Variants in SYT2 observed in about 807,000 individuals in gnomAD.
The protein encoded by SYT2 is synaptotagmin-2.
In SYT2, 15 loss-of-function variants were observed where a neutral mutation model predicts 39.9. The observed-to-expected ratio is 0.38, with a 90% CI of 0.25 to 0.58. SYT2 has a LOEUF of 0.58. Among genes scored for constraint, SYT2 ranks in the 20% least tolerant of loss-of-function variants. The pLI is 0.70. For missense variants in SYT2, 389 were observed against 530.3 expected (o/e 0.73, Z 2.62); for synonymous variants, 181 against 204.5 (o/e 0.89, Z 0.98).
chr1:202,658,949 GCTT>G (rs1435444538), intron 1 of SYT2, among the ~76,000 whole-genome samples: 1 of 152,154 alleles, frequency 6.6e-6, no homozygotes, highest in Non-Finnish European at 1.5e-5. Flanking sequence ...AGATTGGAGA[GCTT>G]CTCAATTTCC....
intron 3 of SYT2, among the ~76,000 whole-genome samples, chr1:202,603,340 A>T (rs972961218): frequency 6.6e-6 from 1 of 152,120 alleles, no homozygotes; most frequent in African/African-American, 2.4e-5. Context: ...TGTTTGAGAC[A>T]TGGCTCTGGT....
chr1:202,632,069 T>G (rs1572642342), intron 1 of SYT2: 1 of 984,566 alleles, frequency 1.0e-6, no homozygotes. Context: ...GGGGCTGAGG[T>G]GGGGTAAGAG....
At chr1:202,639,050 A>T (rs1691827255) in intron 1 of SYT2, among the ~76,000 whole-genome samples, 1 of 152,048 alleles carries the variant, frequency 6.6e-6, no homozygotes, top group Non-Finnish European at 1.5e-5. Context: ...ATCTGGGATT[A>T]TTTTTTTCAC....
intron 1 of SYT2, among the ~76,000 whole-genome samples, chr1:202,700,736 T>G (rs2149121402): frequency 6.6e-6 from 1 of 152,356 alleles, no homozygotes; most frequent in South Asian, 2.1e-4. Context: ...TATATCAACT[T>G]CGGTGTTCGG....
chr1:202,669,320 G>A (rs1490916272), intron 1 of SYT2, among the ~76,000 whole-genome samples: 1 of 151,292 alleles, frequency 6.6e-6, no homozygotes, highest in Non-Finnish European at 1.5e-5. Context: ...AGGTGATTGG[G>A]ACCAACGGGG....
At chr1:202,678,919 A>C (rs1187168945) in intron 1 of SYT2, among the ~76,000 whole-genome samples, 1 of 151,856 alleles carries the variant, frequency 6.6e-6, no homozygotes, top group Non-Finnish European at 1.5e-5. Flanking sequence ...ATTCTGACAC[A>C]CATCGCCCTA....
In SYT2 at chr1:202,599,463, T is replaced by G; in HGVS notation, c.920-112A>C. The G allele has an allele frequency of 8.0e-7, 1 of 1,254,970 alleles. No homozygotes were observed. Among genetic ancestry groups the G allele is most frequent in the Non-Finnish European group, 1.1e-6 (1 of 924,376 alleles). 77.7% of individuals were successfully genotyped at this position (1,254,970 alleles called of 1,614,324 possible). A position where few individuals can be genotyped will look rare whatever the true frequency, so the allele number is the denominator to read the frequency against. ...GGTCAAGAGGGGGTCTTCACTCCGC[T>G]GAGACCAGGCCCTCAGAAAGCCCCA... On this transcript the variant is annotated intron_variant, in intron 7 of 8. Transcript: ENST00000367268. This position sits in a 1 kb window ranked among gnomAD's most constrained non-coding sequence, Gnocchi z 4.4.
At chr1:202,654,293 A>G (rs1268127269) in intron 1 of SYT2, among the ~76,000 whole-genome samples, 1 of 152,194 alleles carries the variant, frequency 6.6e-6, no homozygotes, top group Non-Finnish European at 1.5e-5. Flanking sequence ...GTGACCCAAG[A>G]AGGCACATTC....
intron 1 of SYT2, among the ~76,000 whole-genome samples, chr1:202,649,219 A>G (rs1286810220): frequency 6.6e-6 from 1 of 152,246 alleles, no homozygotes; most frequent in Non-Finnish European, 1.5e-5. Context: ...AACCAGCATC[A>G]AGTGGCAGCC....
chr1:202,632,053 C>T (rs1364348685), intron 1 of SYT2: 14 of 985,402 alleles, frequency 1.4e-5, no homozygotes, highest in Non-Finnish European at 1.7e-5. Context: ...TGCCACTCTG[C>T]AGGAAGGGGC....
At chr1:202,696,311 T>A (rs1047323750) in intron 1 of SYT2, among the ~76,000 whole-genome samples, 4 of 151,660 alleles carry the variant, frequency 2.6e-5, no homozygotes, top group African/African-American at 9.7e-5. Context: ...TGCCAGAGAG[T>A]GGATCTGACA....
At chr1:202,674,860 C>A (rs1342993399) in intron 1 of SYT2, among the ~76,000 whole-genome samples, 1 of 152,184 alleles carries the variant, frequency 6.6e-6, no homozygotes, top group Non-Finnish European at 1.5e-5. Flanking sequence ...CGGCCCCCTC[C>A]CCCACTGCCC....
In SYT2 at chr1:202,614,503, A is replaced by T. The variant is rs1392098067; in HGVS notation, c.-17-8714T>A. Among the ~76,000 whole-genome samples, 2 of 152,218 alleles carry T rather than the reference A, an allele frequency of 1.3e-5. No homozygotes were observed. The highest frequency in any genetic ancestry group is 6.5e-5 in the Admixed American group (1 of 15,286). On this transcript the variant is annotated intron_variant, in intron 1 of 8. Coordinates refer to ENST00000367268, the MANE Select transcript of SYT2 (RefSeq NM_177402.5). The surrounding 1 kb of genome is among the most constrained non-coding windows in gnomAD (Gnocchi z 4.0). ...ACTCACTCAAGTATTTACTGAGCTC[A>T]TATCATGCTTCCCTCATGGAATTTA...
rs138073302 is a variant in SYT2 at position 202,618,255 on chromosome 1, C to T, written c.-17-12466G>A. ...GACACTGAATTCTGTGGGGAAGTGG[C>T]CTTCCCAGGGTCCCCCCGTGCAGTA... On this transcript the variant is annotated intron_variant, in intron 1 of 8. Transcript: ENST00000367268. Among the ~76,000 whole-genome samples the T allele has an allele frequency of 1.3e-3, 198 of 152,226 alleles. 3 individuals are homozygous for T. In the South Asian group the frequency reaches 0.014, roughly 11 times the overall value.
At chr1:202,687,634 C>T (rs1193184336) in intron 1 of SYT2, among the ~76,000 whole-genome samples, 2 of 142,612 alleles carry the variant, frequency 1.4e-5, no homozygotes. Context: ...CCATTGTACT[C>T]CAGCCTGGGC....
intron 1 of SYT2, among the ~76,000 whole-genome samples, chr1:202,667,833 C>T (rs1023990051): frequency 6.6e-6 from 1 of 152,090 alleles, no homozygotes; most frequent in Non-Finnish European, 1.5e-5. Flanking sequence ...CTGCCTCAGC[C>T]TCCTGAGTAG....
At chr1:202,699,787 T>G (rs1316002743) in intron 1 of SYT2, among the ~76,000 whole-genome samples, 2 of 151,864 alleles carry the variant, frequency 1.3e-5, no homozygotes, top group Non-Finnish European at 2.9e-5. Context: ...GAGGTCCTGC[T>G]GCACAGGCAC....
chr1:202,599,446 G>A lies in SYT2; in HGVS notation c.920-95C>T. 4 of 1,399,640 alleles carry A rather than the reference G, an allele frequency of 2.9e-6. No individual in the cohort carries two copies. The highest frequency in any genetic ancestry group is 3.8e-6 in the Non-Finnish European group (4 of 1,047,424). The allele number at this position is 1,399,640 out of a possible 1,614,324, so 86.7% of individuals were successfully genotyped here. On this transcript the variant is annotated intron_variant, in intron 7 of 8. Transcript: ENST00000367268. The surrounding 1 kb of genome is among the most constrained non-coding windows in gnomAD (Gnocchi z 4.4). ...GGCCTGCCCAGAGCATCGGTCAAGA[G>A]GGGGTCTTCACTCCGCTGAGACCAG... is the stretch of plus-strand genomic sequence containing the variant.
In SYT2 at chr1:202,599,046, C is replaced by A. The variant is rs1254292364; in HGVS notation, c.1053+172G>T. 6.6e-6 allele frequency among the ~76,000 whole-genome samples: 1 copy of A among 152,148 alleles called. No individual in the cohort carries two copies. Among genetic ancestry groups the A allele is most frequent in the Non-Finnish European group, 1.5e-5 (1 of 68,030 alleles). On this transcript the variant is annotated intron_variant, in intron 8 of 8. Coordinates refer to ENST00000367268, the MANE Select transcript of SYT2 (RefSeq NM_177402.5). The surrounding 1 kb of genome is among the most constrained non-coding windows in gnomAD (Gnocchi z 4.4). Reference sequence around the variant, plus strand: ...GTTTATCTCCTCAGAAAAGGGGGATCCCTGAAGCACTTGGGAAGGAGGCCC... The same window carrying A: ...GTTTATCTCCTCAGAAAAGGGGGATACCTGAAGCACTTGGGAAGGAGGCCC...
Sources: gnomAD v4.1 joint callset for allele counts (sites outside exome capture counted in the v4.1 genomes callset) on GRCh38, gnomAD v4.1.1 for gene constraint, Gnocchi (gnomAD v3.1) non-coding constraint, MANE v1.5 for transcripts, NCBI Gene and HGNC (gene_info 2026-07-23, HGNC 2026-07-21) for gene names.